Variants in CALN1 observed in about 807,000 individuals in gnomAD.
CALN1 encodes calcium-binding protein 8.
CALN1 carries 17 observed loss-of-function variants against 30.6 expected under a neutral mutation model. The observed-to-expected ratio is 0.56, with a 90% CI of 0.38 to 0.83. CALN1 has a LOEUF of 0.83. Ranked by LOEUF, CALN1 falls within the 40% of genes least tolerant of loss-of-function variation. The probability of loss-of-function intolerance (pLI) is 0.00; values close to 1 mark genes in which losing one functional copy is unlikely to be tolerated. For synonymous variants in CALN1, 156 were observed against 131.4 expected, an observed-to-expected ratio of 1.19 and a Z score of -1.28; for missense variants, 291 against 354.9, an observed-to-expected ratio of 0.82 and a Z score of 1.45.
chr7:72,224,845 T>C (rs1418488259), intron 3 of CALN1, among the ~76,000 whole-genome samples: 4 of 151,464 alleles, frequency 2.6e-5, no homozygotes, highest in Non-Finnish European at 5.9e-5. Context: ...TCCCAGCACT[T>C]TGGGAAGTCG....
At chr7:72,415,877 A>G (rs527552221), upstream of CALN1, among the ~76,000 whole-genome samples, 128 of 152,304 alleles carry the variant, frequency 8.4e-4, no homozygotes, top group Non-Finnish European at 1.6e-3. Context: ...TCCTTTGGCC[A>G]GTGCCCACCC....
At chr7:72,048,298 A>T (rs1223963470) in intron 4 of CALN1, among the ~76,000 whole-genome samples, 2 of 152,024 alleles carry the variant, frequency 1.3e-5, no homozygotes, top group Non-Finnish European at 2.9e-5. Flanking sequence ...CTCGGCCTCC[A>T]AAAATGCTGG....
chr7:72,496,801 C>T, the CALN1 span, among the ~76,000 whole-genome samples: 1 of 152,128 alleles, frequency 6.6e-6, no homozygotes, highest in East Asian at 1.9e-4. Flanking sequence ...ATTCCTTAAG[C>T]CCAGGAAGTT....
At position 71,906,477 on chromosome 7, in the gene CALN1, TA is replaced by T. The variant is rs1028944958; in HGVS notation, c.502-95986del. ...CAAAATCCAGGGCAATAGGGACAGG[TA>T]AAAGTCAGGTCAGAAACCTTGGTTA... On this transcript the variant is annotated intron_variant, in intron 5 of 6. Transcript: ENST00000395275. Among the ~76,000 whole-genome samples, 135 of 151,974 alleles carry T rather than the reference TA, an allele frequency of 8.9e-4. 12 individuals are homozygous for T.
intron 6 of CALN1, among the ~76,000 whole-genome samples, chr7:71,802,539 T>A (rs956632067): frequency 2.0e-5 from 3 of 152,194 alleles, no homozygotes; most frequent in Non-Finnish European, 4.4e-5. Flanking sequence ...CATAGCTCAC[T>A]GCAGCCTCGA....
At chr7:72,330,073 C>G (rs1201369635) in intron 2 of CALN1, among the ~76,000 whole-genome samples, 1 of 151,638 alleles carries the variant, frequency 6.6e-6, no homozygotes, top group Non-Finnish European at 1.5e-5. Context: ...GGCGGATCAC[C>G]TGAGGTGTCA....
intron 4 of CALN1, among the ~76,000 whole-genome samples, chr7:72,031,630 C>T (rs1327533316): frequency 6.6e-6 from 1 of 151,972 alleles, no homozygotes; most frequent in African/African-American, 2.4e-5. Flanking sequence ...TGCAGTGGTG[C>T]AATCATAGCT....
intron 2 of CALN1, among the ~76,000 whole-genome samples, chr7:72,357,929 T>C (rs2944805): frequency 0.33 from 48,939 of 150,332 alleles, 9,693 homozygotes; most frequent in Middle Eastern, 0.52. Flanking sequence ...ATCAGCCTCC[T>C]GAGTAGCTAG....
At chr7:72,431,428 A>G (rs1424377849) in intron 1 of CALN1, among the ~76,000 whole-genome samples, 12 of 152,156 alleles carry the variant, frequency 7.9e-5, no homozygotes, top group Admixed American at 7.9e-4. Flanking sequence ...GTACACCCAC[A>G]TGCACACACG....
At chr7:72,133,999 TG>T (rs964072851) in intron 3 of CALN1, among the ~76,000 whole-genome samples, 1 of 152,210 alleles carries the variant, frequency 6.6e-6, no homozygotes, top group Non-Finnish European at 1.5e-5. Context: ...CCCATTGTGG[TG>T]GCATTAAAAG....
chr7:72,242,512 T>C (rs1187000534), intron 3 of CALN1, among the ~76,000 whole-genome samples: 1 of 152,196 alleles, frequency 6.6e-6, no homozygotes, highest in Non-Finnish European at 1.5e-5. Context: ...GTCAGGTTTT[T>C]ACCTACTCAT....
the CALN1 span, among the ~76,000 whole-genome samples, chr7:72,458,134 A>ATATATATATTTAATATATT: frequency 7.3e-6 from 1 of 136,430 alleles, no homozygotes; most frequent in Non-Finnish European, 1.5e-5. Flanking sequence ...TTTTATAAAT[A>ATATATATATTTAATATATT]TATATATATT....
intron 6 of CALN1, among the ~76,000 whole-genome samples, chr7:71,793,517 T>G (rs1554337866): frequency 6.6e-6 from 1 of 152,188 alleles, no homozygotes; most frequent in Non-Finnish European, 1.5e-5. Flanking sequence ...TCTGTGTGAC[T>G]TTGAGCAAGC....
chr7:72,275,753 T>C (rs1053165525), intron 3 of CALN1, among the ~76,000 whole-genome samples: 2 of 152,188 alleles, frequency 1.3e-5, no homozygotes, highest in African/African-American at 4.8e-5. Context: ...CTAATCTACA[T>C]ACTGAAAAAG....
chr7:72,082,340 G>A (rs1025201187), intron 4 of CALN1, among the ~76,000 whole-genome samples: 5 of 152,128 alleles, frequency 3.3e-5, no homozygotes, highest in Admixed American at 6.5e-5. Context: ...ATGCCGCAGC[G>A]GAACAGCATG....
At chr7:72,215,360 G>A (rs1345435190) in intron 3 of CALN1, among the ~76,000 whole-genome samples, 4 of 152,094 alleles carry the variant, frequency 2.6e-5, no homozygotes, top group South Asian at 4.1e-4. Flanking sequence ...TTGGGAGGCC[G>A]AGGTGGGCAG....
At chr7:72,356,101 T>C (rs1198880158) in intron 2 of CALN1, among the ~76,000 whole-genome samples, 2 of 152,212 alleles carry the variant, frequency 1.3e-5, no homozygotes, top group East Asian at 3.8e-4. Flanking sequence ...CCCATAGATA[T>C]GCACAATTAT....
intron 3 of CALN1, among the ~76,000 whole-genome samples, chr7:72,147,444 A>T (rs1452701231): frequency 6.8e-6 from 1 of 146,758 alleles, no homozygotes; most frequent in East Asian, 1.9e-4. Flanking sequence ...TAGAATGGTG[A>T]TCATTAAAAA....
intron 5 of CALN1, among the ~76,000 whole-genome samples, chr7:71,934,457 T>C (rs1474179804): frequency 6.6e-6 from 1 of 152,184 alleles, no homozygotes; most frequent in African/African-American, 2.4e-5. Flanking sequence ...TGCCTGTATC[T>C]ACTTGGCTTC....
Sources: gnomAD v4.1 joint callset for allele counts (sites outside exome capture counted in the v4.1 genomes callset) on GRCh38, gnomAD v4.1.1 for gene constraint, MANE v1.5 for transcripts, NCBI Gene and HGNC (gene_info 2026-07-23, HGNC 2026-07-21) for gene names.